Variants in QSER1 observed in about 807,000 individuals in gnomAD.
QSER1 encodes the protein glutamine and serine rich 1, also known as glutamine and serine-rich protein 1.
In QSER1, 49 loss-of-function variants were observed where a neutral mutation model predicts 158.5. The observed-to-expected ratio is 0.31, with a 90% CI of 0.25 to 0.39. The LOEUF (loss-of-function observed/expected upper bound fraction) is 0.39, where lower values mean the gene tolerates loss of function less well. QSER1 is among the 10% of genes least tolerant of loss of function. The pLI is 1.00. For synonymous variants in QSER1, 650 were observed against 715.5 expected, an observed-to-expected ratio of 0.91 and a Z score of 1.46; for missense variants, 1,754 against 2,010.3, an observed-to-expected ratio of 0.87 and a Z score of 2.44.
intron 1 of QSER1, among the ~76,000 whole-genome samples, chr11:32,923,898 G>A (rs192172227): frequency 7.9e-5 from 12 of 152,308 alleles, no homozygotes; most frequent in African/African-American, 2.4e-4. Context: ...AACCCGGAAA[G>A]TGGAGGTTGC....
intron 4 of QSER1, among the ~76,000 whole-genome samples, chr11:32,952,392 T>C (rs1338889196): frequency 1.6e-5 from 1 of 61,872 alleles, no homozygotes; most frequent in Non-Finnish European, 4.4e-5. Context: ...CTATGCTGTT[T>C]TCTATTAACA....
At chr11:32,948,795 A>T (rs1441389330) in intron 4 of QSER1, among the ~76,000 whole-genome samples, 1 of 152,142 alleles carries the variant, frequency 6.6e-6, no homozygotes, top group East Asian at 1.9e-4. Context: ...AAAAGTACAG[A>T]GATTGGCATA....
At chr11:32,895,142 C>G (rs549636118) in intron 1 of QSER1, among the ~76,000 whole-genome samples, 2 of 152,322 alleles carry the variant, frequency 1.3e-5, no homozygotes, top group African/African-American at 2.4e-5. Context: ...CACGAAATGA[C>G]TTCCCAAACA....
intron 9 of QSER1, among the ~76,000 whole-genome samples, chr11:32,967,487 G>T (rs897028515): frequency 4.6e-5 from 7 of 151,842 alleles, no homozygotes; most frequent in Admixed American, 3.9e-4. Flanking sequence ...TTTTTAAAAA[G>T]TTTTTTTTAA....
At chr11:32,923,170 T>C (rs1480830125) in intron 1 of QSER1, among the ~76,000 whole-genome samples, 1 of 152,194 alleles carries the variant, frequency 6.6e-6, no homozygotes, top group Non-Finnish European at 1.5e-5. Flanking sequence ...TCAGAGGTGT[T>C]ACACTAAGTG....
At chr11:32,946,898 C>T (rs1023159601) in intron 4 of QSER1, among the ~76,000 whole-genome samples, 1 of 152,174 alleles carries the variant, frequency 6.6e-6, no homozygotes, top group Admixed American at 6.5e-5. Flanking sequence ...TGGGGTAGGA[C>T]CCTCCAAGCC....
intron 1 of QSER1, among the ~76,000 whole-genome samples, chr11:32,894,671 G>T (rs187332924): frequency 9.9e-4 from 151 of 152,330 alleles, no homozygotes; most frequent in African/African-American, 3.4e-3. Flanking sequence ...TTTGCTTCAA[G>T]AATAGGAATA....
intron 1 of QSER1, among the ~76,000 whole-genome samples, chr11:32,900,868 G>T (rs1289620064): frequency 6.6e-6 from 1 of 152,216 alleles, no homozygotes; most frequent in East Asian, 1.9e-4. Flanking sequence ...TAAAGTAACT[G>T]CACATCACTG....
At chr11:32,964,136 C>G (rs1417846659) in intron 8 of QSER1, among the ~76,000 whole-genome samples, 1 of 152,108 alleles carries the variant, frequency 6.6e-6, no homozygotes, top group Non-Finnish European at 1.5e-5. Context: ...CCACACCTAG[C>G]TAACTTAAAA....
chr11:32,904,599 C>T (rs921950946), intron 1 of QSER1, among the ~76,000 whole-genome samples: 1 of 140,976 alleles, frequency 7.1e-6, no homozygotes, highest in Non-Finnish European at 1.5e-5. Context: ...AGCATATCCA[C>T]TCTTTTTTTT....
chr11:32,935,295 A>G lies in QSER1; in HGVS notation c.4037A>G (p.Asp1346Gly). The G allele has an allele frequency of 6.2e-7, 1 of 1,614,040 alleles. No individual in the cohort carries two copies. The change falls in exon 4 of 13, where the codon GAT (aspartate) becomes GGT (glycine). Residue 1346 changes from aspartate (D) to glycine (G), a missense_variant. Physicochemically the swap from Asp to Gly is moderately conservative, Grantham distance 94 (BLOSUM62 -1). Transcript: ENST00000650167. ...GGTAACAGTCCATCAGATAAAGTTG[A>G]TAATGAACTTAAAAACTTGGAACAT... ...TGGNSPSDKVDNELKNLEHLS... is the reference protein window; with the variant it reads ...TGGNSPSDKVGNELKNLEHLS...
Position 32,910,579 on chromosome 11 carries a change from C to T in QSER1, c.210-16578C>T, listed in dbSNP as rs1047735405. Among the ~76,000 whole-genome samples the T allele has an allele frequency of 2.2e-4, 34 of 152,208 alleles. 1 individual carries two copies. Among genetic ancestry groups the T allele is most frequent in the Non-Finnish European group, 1.2e-4 (8 of 68,036 alleles). Reference sequence around the variant, plus strand: ...GAACTTTGTCATTGTGTATGCCTTTCACTCCTACCTTTTGCATGCATATAC... The same window carrying T: ...GAACTTTGTCATTGTGTATGCCTTTTACTCCTACCTTTTGCATGCATATAC... On this transcript the variant is annotated intron_variant, in intron 1 of 12. Transcript: ENST00000650167.
chr11:32,902,896 T>G (rs943303816), intron 1 of QSER1, among the ~76,000 whole-genome samples: 9 of 152,224 alleles, frequency 5.9e-5, no homozygotes, highest in Admixed American at 5.9e-4. Flanking sequence ...GAGAGATTTA[T>G]TAATTTGTCC....
In QSER1 at chr11:32,892,840, A is replaced by AACGGCC. The variant is rs1277066007; in HGVS notation, c.-286_-285insACGGCC. Among the ~76,000 whole-genome samples, 6 of 59,008 alleles carry AACGGCC rather than the reference A, an allele frequency of 1.0e-4. No homozygotes were observed. In the East Asian group the frequency reaches 2.0e-3, roughly 20 times the overall value. 38.7% of individuals were successfully genotyped at this position (59,008 alleles called of 152,430 possible). A position where few individuals can be genotyped will look rare whatever the true frequency, so the allele number is the denominator to read the frequency against. On this transcript the variant is annotated 5_prime_UTR_variant, in exon 1 of 13. Coordinates refer to ENST00000650167, the MANE Select transcript of QSER1 (RefSeq NM_001076786.3). ...TGGGAAATCCACCAACATGGGGCGC[A>AACGGCC]GCGGCCGCCGCCGCCGCCGCCGTCG...
intron 1 of QSER1, among the ~76,000 whole-genome samples, chr11:32,897,656 C>G (rs1463562082): frequency 2.6e-5 from 4 of 152,228 alleles, no homozygotes; most frequent in Admixed American, 2.0e-4. Context: ...CTCCTGCGGA[C>G]TCACATCCAC....
intron 8 of QSER1, among the ~76,000 whole-genome samples, chr11:32,964,528 C>A (rs1180588657): frequency 6.6e-6 from 1 of 151,660 alleles, no homozygotes; most frequent in East Asian, 1.9e-4. Context: ...CTTGGGGTCC[C>A]CCCTGGGGTA....
chr11:32,934,276 C>T lies in QSER1; in HGVS notation c.3018C>T (p.Thr1006=). 6.2e-7 allele frequency: 1 copy of T among 1,613,980 alleles called. No individual in the cohort carries two copies. Among genetic ancestry groups the T allele is most frequent in the Non-Finnish European group, 8.5e-7 (1 of 1,179,984 alleles). The change falls in exon 4 of 13, where the codon ACC becomes ACT. Residue 1006 remains threonine, a synonymous_variant. Transcript: ENST00000650167. ...TDFSKSTSNE[T]MQAVEDGDSK... is the part of the protein sequence containing the mutation. ...TTTCCAAGTCAACTTCAAATGAAACCATGCAGGCTGTTGAAGATGGTGATT... is the reference window on the plus strand; with the variant it reads ...TTTCCAAGTCAACTTCAAATGAAACTATGCAGGCTGTTGAAGATGGTGATT...
At chr11:32,919,656 A>G (rs947364075) in intron 1 of QSER1, among the ~76,000 whole-genome samples, 3 of 152,066 alleles carry the variant, frequency 2.0e-5, no homozygotes, top group South Asian at 2.1e-4. Context: ...TTTCAATACT[A>G]TACTCTTTGG....
At chr11:32,911,039 G>A (rs543950087) in intron 1 of QSER1, among the ~76,000 whole-genome samples, 4 of 152,248 alleles carry the variant, frequency 2.6e-5, no homozygotes, top group South Asian at 2.1e-4. Context: ...CTCCTCAAAC[G>A]GTTTCTCTAG....
Sources: allele counts gnomAD v4.1 joint callset (sites outside exome capture counted in the v4.1 genomes callset), GRCh38; gene constraint gnomAD v4.1.1; transcripts MANE v1.5; gene names NCBI Gene and HGNC (gene_info 2026-07-23, HGNC 2026-07-21).